The following UTP4 variants were observed in gnomAD, a reference collection of about 807,000 sequenced individuals.
UTP4 encodes UTP4 small subunit processome component.
A neutral mutation model predicts 82.4 loss-of-function variants in UTP4; 45 were observed. That is an observed-to-expected ratio of 0.55 (90% CI 0.43 to 0.70). The LOEUF is 0.70. Ranked by LOEUF, UTP4 falls within the 30% of genes least tolerant of loss-of-function variation. The pLI, the probability that UTP4 is intolerant of heterozygous loss-of-function variation, is 0.00. For missense variants in UTP4, 819 were observed against 858.3 expected, an observed-to-expected ratio of 0.95 and a Z score of 0.57; for synonymous variants, 348 against 300.3, an observed-to-expected ratio of 1.16 and a Z score of -1.64.
At chr16:69,164,850 T>A (rs1300563471) in intron 14 of UTP4, among the ~76,000 whole-genome samples, 1 of 151,958 alleles carries the variant, frequency 6.6e-6, no homozygotes, top group African/African-American at 2.4e-5. Flanking sequence ...GATATAACAC[T>A]GAGCAACAAA....
At chr16:69,151,321 T>TTTC in intron 8 of UTP4, among the ~76,000 whole-genome samples, 1 of 149,198 alleles carries the variant, frequency 6.7e-6, no homozygotes, top group Non-Finnish European at 1.5e-5. Context: ...GGTCCTTTTT[T>TTTC]TTTCTTTTTT....
At chr16:69,164,087 T>C (rs1279854063) in intron 14 of UTP4, among the ~76,000 whole-genome samples, 4 of 151,962 alleles carry the variant, frequency 2.6e-5, no homozygotes, top group East Asian at 1.9e-4. Flanking sequence ...AGTTTCACCA[T>C]GTTAGCCAGG....
At chr16:69,156,127 A>C in intron 11 of UTP4, 134 bp downstream of exon 11, 1 of 833,812 alleles carries the variant, frequency 1.2e-6, no homozygotes, top group Non-Finnish European at 1.9e-6. Flanking sequence ...GAAGGCTGTT[A>C]TGAAACAGTG....
At chr16:69,158,472 C>G (rs1963481002) in intron 12 of UTP4, among the ~76,000 whole-genome samples, 2 of 151,858 alleles carry the variant, frequency 1.3e-5, no homozygotes, top group Admixed American at 1.3e-4. Context: ...TGAAAGTCAA[C>G]TCTTTTATCT....
intron 11 of UTP4, among the ~76,000 whole-genome samples, chr16:69,156,241 G>A (rs1014158708): frequency 4.3e-4 from 62 of 144,192 alleles, no homozygotes; most frequent in African/African-American, 1.5e-3. Context: ...TGCAACCTCC[G>A]CCTCTTGGGT....
intron 15 of UTP4, chr16:69,165,933 A>G: frequency 2.0e-5 from 7 of 343,922 alleles, no homozygotes; most frequent in South Asian, 1.8e-4. Context: ...GTTTCATTAA[A>G]GGAGGTACAG....
intron 2 of UTP4, among the ~76,000 whole-genome samples, chr16:69,134,702 C>CTTTTTTTTTTTTTTTTT (rs751705922): frequency 1.5e-5 from 2 of 131,526 alleles, no homozygotes; most frequent in Admixed American, 7.7e-5. Context: ...TTTTCTTTTT[C>CTTTTTTTTTTTTTTTTT]TTTTTTTTTT....
intron 6 of UTP4, among the ~76,000 whole-genome samples, chr16:69,145,285 GTC>G (rs1963077829): frequency 6.6e-6 from 1 of 151,986 alleles, no homozygotes; most frequent in African/African-American, 2.4e-5. Flanking sequence ...TTTTGAGACA[GTC>G]TCTCACTCTG....
At chr16:69,158,838 T>C (rs1963491280) in intron 12 of UTP4, among the ~76,000 whole-genome samples, 1 of 152,094 alleles carries the variant, frequency 6.6e-6, no homozygotes, top group African/African-American at 2.4e-5. Flanking sequence ...ATGTTATCGT[T>C]TGGGGGCGTT....
At chr16:69,158,524 A>C (rs1963482104) in intron 12 of UTP4, among the ~76,000 whole-genome samples, 2 of 152,132 alleles carry the variant, frequency 1.3e-5, no homozygotes, top group Non-Finnish European at 2.9e-5. Flanking sequence ...AGCCTACAGG[A>C]GAAGAAACCC....
At chr16:69,157,754 C>T (rs906998800) in intron 12 of UTP4, among the ~76,000 whole-genome samples, 1 of 151,570 alleles carries the variant, frequency 6.6e-6, no homozygotes, top group African/African-American at 2.4e-5. Flanking sequence ...ACCACTATGC[C>T]CAGCTAATTT....
chr16:69,139,501 T>C (rs1290916037), intron 4 of UTP4, among the ~76,000 whole-genome samples: 1 of 151,242 alleles, frequency 6.6e-6, no homozygotes, highest in East Asian at 2.0e-4. Flanking sequence ...TAGCCAGACA[T>C]GGTGGCAGGT....
chr16:69,167,821 C>T (rs1433227126), intron 16 of UTP4: 1 of 147,400 alleles, frequency 6.8e-6, no homozygotes, highest in East Asian at 2.0e-4. Flanking sequence ...GTCTGGGCAA[C>T]ATAGTGAGAC....
chr16:69,137,564 A>G (rs1419630342), intron 3 of UTP4, among the ~76,000 whole-genome samples: 1 of 152,214 alleles, frequency 6.6e-6, no homozygotes, highest in Non-Finnish European at 1.5e-5. Flanking sequence ...CACTAATTAG[A>G]ACTCTTAATA....
intron 10 of UTP4, among the ~76,000 whole-genome samples, 200 bp from the exon 11 acceptor site, chr16:69,155,671 G>T (rs11859557): frequency 0.039 from 5,863 of 152,130 alleles, 378 homozygotes; most frequent in African/African-American, 0.13. Flanking sequence ...CTCCATTCTT[G>T]GATTTGGAAA....
intron 1 of UTP4, chr16:69,133,097 C>T: frequency 3.3e-6 from 1 of 305,870 alleles, no homozygotes; most frequent in Non-Finnish European, 6.3e-6. Flanking sequence ...TCTGCCTGCC[C>T]CATCAGCCTC....
Position 69,152,471 on chromosome 16 carries a change from T to C in UTP4, c.1003-1113T>C, listed in dbSNP as rs544090098. 4.0e-3 allele frequency among the ~76,000 whole-genome samples: 569 copies of C among 141,838 alleles called. 7 individuals carry two copies. The highest frequency in any genetic ancestry group is 0.014 in the African/African-American group (486 of 35,216). 93.1% of individuals were successfully genotyped at this position (141,838 alleles called of 152,430 possible). A position where few individuals can be genotyped will look rare whatever the true frequency, so the allele number is the denominator to read the frequency against. On this transcript the variant is annotated intron_variant, in intron 8 of 16. Coordinates refer to ENST00000314423, the MANE Select transcript of UTP4 (RefSeq NM_032830.3). Reference sequence around the variant, plus strand: ...CAGCTAATTTCTGTTTTTCTTTTTTTTTTTTTTTTTTTTTTGAGACAGAGC... The same window carrying C: ...CAGCTAATTTCTGTTTTTCTTTTTTCTTTTTTTTTTTTTTTGAGACAGAGC...
chr16:69,150,898 T>C lies in UTP4; in HGVS notation c.996T>C (p.Phe332=). ...ATGCCGCTCTCCGAAAAATCACCTT[T>C]CCCCACGTAAGTGTCCATTCCAAGC... ...NYDAALRKIT[F]PHRCLISCSK... Residue 332 remains phenylalanine (F), a synonymous_variant, in exon 8 of 17, where the codon TTT becomes TTC. Coordinates refer to ENST00000314423, the MANE Select transcript of UTP4 (RefSeq NM_032830.3). 6.2e-7 allele frequency: 1 copy of C among 1,612,288 alleles called. No individual in the cohort carries two copies.
chr16:69,144,118 C>T (rs1044060024), intron 6 of UTP4, among the ~76,000 whole-genome samples: 1 of 150,746 alleles, frequency 6.6e-6, no homozygotes, highest in African/African-American at 2.4e-5. Context: ...GAACTCCTGA[C>T]CTCAGGTGAT....
Sources: allele counts gnomAD v4.1 joint callset (sites outside exome capture counted in the v4.1 genomes callset), GRCh38; gene constraint gnomAD v4.1.1; transcripts MANE v1.5; gene names NCBI Gene and HGNC (gene_info 2026-07-23, HGNC 2026-07-21).